The following MDN1 variants were observed in gnomAD, a reference collection of about 807,000 sequenced individuals.
MDN1 encodes midasin.
Under a neutral mutation model 669.2 loss-of-function variants are expected in MDN1, and 266 were observed. The ratio of observed to expected loss-of-function variants is 0.40; its 90% CI spans 0.36 to 0.44. The LOEUF is 0.44. Among genes scored for constraint, MDN1 ranks in the 20% least tolerant of loss-of-function variants. MDN1 has a pLI of 1.00. For missense variants in MDN1, 5,940 were observed against 6,754.0 expected (o/e 0.88, Z 4.22); for synonymous variants, 2,385 against 2,457.1 (o/e 0.97, Z 0.87).
Position 89,768,609 on chromosome 6 carries a change from C to T in MDN1, c.2144+2952G>A, listed in dbSNP as rs1171918812. Among the ~76,000 whole-genome samples, 5 of 152,004 alleles carry T rather than the reference C, an allele frequency of 3.3e-5. No homozygotes were observed. In the East Asian group the frequency reaches 5.8e-4, roughly 18 times the overall value. ...ATAATTAGCTAAGCGTGGTGGTGCA[C>T]GTCTGTAGTCCCAGTTACTCGGGAG... On this transcript the variant is annotated intron_variant, in intron 15 of 101. Transcript: ENST00000369393.
Position 89,758,257 on chromosome 6 carries a change from G to A in MDN1, c.2700C>T (p.Asn900=). The A allele has an allele frequency of 6.2e-7, 1 of 1,606,248 alleles. No homozygotes were observed. The highest frequency in any genetic ancestry group is 8.5e-7 in the Non-Finnish European group (1 of 1,175,008). The change falls in exon 19 of 102, where the codon AAC becomes AAT. Residue 900 remains asparagine (N), a splice_region_variant and synonymous_variant. Transcript: ENST00000369393. The stretch of plus-strand genomic sequence containing the variant: ...GTCTCCAAGAACCAAACCCTCACCT[G>A]TTTCTTATTCCTGGTGGGAGATTTC... ...GKRNLPPGIR[N]RFTELYVEEL...
At chr6:89,700,446 G>T in intron 56 of MDN1, 152 bp from the exon 57 acceptor site, 1 of 764,804 alleles carries the variant, frequency 1.3e-6, no homozygotes, top group Non-Finnish European at 2.1e-6. Flanking sequence ...TCTGTGAAAT[G>T]ATATTAATAC....
At chr6:89,801,319 T>C (rs1356105673) in intron 2 of MDN1, among the ~76,000 whole-genome samples, 1 of 151,930 alleles carries the variant, frequency 6.6e-6, no homozygotes, top group Non-Finnish European at 1.5e-5. Flanking sequence ...AGGCCAGGAG[T>C]TCAAGACTGG....
chr6:89,675,618 A>G (rs371289727), intron 77 of MDN1, 39 bp from the exon 78 acceptor site: 1 of 1,548,944 alleles, frequency 6.5e-7, no homozygotes, highest in African/African-American at 1.4e-5. Context: ...GGGGCTGCTG[A>G]CAAACATCAC....
intron 27 of MDN1, 47 bp from the exon 28 acceptor site, chr6:89,745,673 A>G: frequency 6.4e-7 from 1 of 1,563,268 alleles, no homozygotes. Context: ...TCAAGTGTCT[A>G]CCGGGAACAC....
chr6:89,783,842 G>A (rs534791895), intron 9 of MDN1, among the ~76,000 whole-genome samples: 1 of 152,078 alleles, frequency 6.6e-6, no homozygotes, highest in African/African-American at 2.4e-5. Context: ...ATTGGGGGTG[G>A]GTTACCCCAA....
rs772380313 is a variant in MDN1, at chr6:89,688,687, G to A, written c.11145C>T (p.Phe3715=). 6.2e-7 allele frequency: 1 copy of A among 1,614,202 alleles called. No homozygotes were observed. Among genetic ancestry groups the A allele is most frequent in the Non-Finnish European group, 8.5e-7 (1 of 1,180,030 alleles). Residue 3715 remains phenylalanine (F), a synonymous_variant, in exon 66 of 102, where the codon TTC becomes TTT. Coordinates refer to ENST00000369393, the MANE Select transcript of MDN1 (RefSeq NM_014611.3). The part of the protein sequence containing the change: ...LMVKPDGPYD[F]YQHPNVPEAR... ...CTTCTGGAACATTGGGATGCTGGTAGAAGTCATAGGGCCCATCAGGTTTCA... is the reference window on the plus strand; with the variant it reads ...CTTCTGGAACATTGGGATGCTGGTAAAAGTCATAGGGCCCATCAGGTTTCA...
chr6:89,808,344 T>C (rs920106446), intron 1 of MDN1, among the ~76,000 whole-genome samples: 1 of 152,136 alleles, frequency 6.6e-6, no homozygotes, highest in Non-Finnish European at 1.5e-5. Context: ...GTCAGCTTGA[T>C]CCTTTCAAGA....
chr6:89,695,694 C>T lies in MDN1; in HGVS notation c.9682G>A (p.Gly3228Ser), dbSNP rs200370699. The T allele has an allele frequency of 5.5e-4, 883 of 1,613,696 alleles. 11 individuals are homozygous for T. In the South Asian group the frequency reaches 8.8e-3, roughly 16 times the overall value. ...AQRGSLWVSL[G>S]LLQIQTWLPQ... ...AGCCATGTCTGAATCTGGAGCAAGC[C>T]GAGGCTCACCCAGAGGCTCCCACGC... Residue 3228 changes from glycine to serine, a missense_variant, in exon 61 of 102, where the codon GGC becomes AGC. Transcript: ENST00000369393. The surrounding 1 kb of genome is among the most constrained non-coding windows in gnomAD (Gnocchi z 4.1).
At chr6:89,658,100 C>T in intron 90 of MDN1, 109 bp downstream of exon 90, 1 of 1,364,922 alleles carries the variant, frequency 7.3e-7, no homozygotes, top group East Asian at 2.3e-5. Flanking sequence ...AAACAAACAA[C>T]AAAATAACCA....
chr6:89,795,441 G>GAA (rs75261535), intron 2 of MDN1, among the ~76,000 whole-genome samples: 1 of 143,656 alleles, frequency 7.0e-6, no homozygotes, highest in Non-Finnish European at 1.5e-5. Context: ...TGTTCCTACA[G>GAA]AAAAAAAAAA....
chr6:89,682,632 C>A (rs1811697929), intron 73 of MDN1, among the ~76,000 whole-genome samples: 1 of 147,350 alleles, frequency 6.8e-6, no homozygotes, highest in Non-Finnish European at 1.5e-5. Context: ...GGCATGAACC[C>A]AGGAGGCGGA....
intron 24 of MDN1, among the ~76,000 whole-genome samples, 191 bp from the exon 25 acceptor site, chr6:89,749,942 C>CT (rs1352820294): frequency 1.3e-5 from 2 of 152,126 alleles, no homozygotes; most frequent in African/African-American, 4.8e-5. Context: ...AAAATAGTCC[C>CT]TTTTTTCCCC....
chr6:89,700,216 T>C lies in MDN1; in HGVS notation c.8717A>G (p.Lys2906Arg). 6.2e-7 allele frequency: 1 copy of C among 1,614,140 alleles called. No homozygotes were observed. Among genetic ancestry groups the C allele is most frequent in the South Asian group, 1.1e-5 (1 of 91,074 alleles). The change falls in exon 57 of 102, where the codon AAG becomes AGG. Residue 2906 changes from lysine (K) to arginine (R), a missense_variant. Physicochemically the swap from Lys to Arg is conservative, Grantham distance 26. This residue lies in a region of MDN1 where 2,292 missense variants were observed against 2,638.3 expected (regional missense o/e 0.87). Transcript: ENST00000369393. ...GGACAGGGAGGAAGCTTCATCATGC[T>C]TTTTCTCCAGAAAACCAAGTGAGAG... ...KGLSLGFLEK[K>R]HDEASSLSHP...
At chr6:89,814,087 A>G (rs560725751) in intron 1 of MDN1, among the ~76,000 whole-genome samples, 1 of 152,200 alleles carries the variant, frequency 6.6e-6, no homozygotes, top group African/African-American at 2.4e-5. Context: ...GAAAGCATAA[A>G]CCAAAAATAA....
chr6:89,675,636 T>G, intron 77 of MDN1, 57 bp from the exon 78 acceptor site: 2 of 1,454,438 alleles, frequency 1.4e-6, no homozygotes, highest in Non-Finnish European at 1.9e-6. Context: ...CACCCACAGA[T>G]GTGCCTCTAG....
In MDN1 at chr6:89,723,127, G is replaced by GATCTCAACATGA; in HGVS notation, c.5794_5795insTCATGTTGAGAT (p.Thr1932delinsIleMetLeuArgSer). The GATCTCAACATGA allele has an allele frequency of 6.2e-7, 1 of 1,614,002 alleles. No individual in the cohort carries two copies. The highest frequency in any genetic ancestry group is 8.5e-7 in the Non-Finnish European group (1 of 1,179,946). Reference sequence around the variant, plus strand: ...TTTTTGCCCCCATTTCTTCTCAACAGTCACTTCATGATCAATCTAGAAAGA... The same window carrying GATCTCAACATGA: ...TTTTTGCCCCCATTTCTTCTCAACAGATCTCAACATGATCACTTCATGATCAATCTAGAAAGA... On this transcript the variant is annotated protein_altering_variant, in exon 40 of 102. Coordinates refer to ENST00000369393, the MANE Select transcript of MDN1 (RefSeq NM_014611.3).
At chr6:89,678,317 C>G (rs936767920) in intron 75 of MDN1, among the ~76,000 whole-genome samples, 4 of 151,774 alleles carry the variant, frequency 2.6e-5, no homozygotes, top group Admixed American at 2.6e-4. Flanking sequence ...GGCAACAGAG[C>G]GAGACTCAGT....
At chr6:89,675,718 T>C in intron 77 of MDN1, 139 bp from the exon 78 acceptor site, 1 of 656,602 alleles carries the variant, frequency 1.5e-6, no homozygotes, top group Non-Finnish European at 2.6e-6. Context: ...TTGAGCAGTG[T>C]TTCTCCAATT....
Sources: gnomAD v4.1 joint callset for allele counts (sites outside exome capture counted in the v4.1 genomes callset) on GRCh38, gnomAD v4.1.1 for gene constraint, gnomAD v4.1.1 regional missense constraint, Gnocchi (gnomAD v3.1) non-coding constraint, MANE v1.5 for transcripts, NCBI Gene and HGNC (gene_info 2026-07-23, HGNC 2026-07-21) for gene names.